The following EMP2 variants were observed in gnomAD, a reference collection of about 807,000 sequenced individuals.
EMP2 encodes epithelial membrane protein 2.
A neutral mutation model predicts 13.7 loss-of-function variants in EMP2; 19 were observed. That is an observed-to-expected ratio of 1.38 (90% CI 0.97 to 2.03). The LOEUF (loss-of-function observed/expected upper bound fraction) is 2.03, where lower values mean the gene tolerates loss of function less well. Among genes scored for constraint, EMP2 ranks in the 30% most tolerant of loss-of-function variants. The pLI is 0.00. For synonymous variants in EMP2, 97 were observed against 84.7 expected (o/e 1.15, Z -0.80); for missense variants, 253 against 220.7 (o/e 1.15, Z -0.93).
In EMP2 at chr16:10,530,425, G is replaced by A. The variant is rs1370670665; in HGVS notation, c.*2480C>T. On this transcript the variant is annotated 3_prime_UTR_variant, in exon 5 of 5. Coordinates refer to ENST00000359543, the MANE Select transcript of EMP2 (RefSeq NM_001424.6). ...TCTTCAGCTCCACTGGAACTGAGCT[G>A]ATGGCAAACCACCACTCCACTCAGC... 2 of 152,616 alleles carry A rather than the reference G, an allele frequency of 1.3e-5. No homozygotes were observed. Among genetic ancestry groups the A allele is most frequent in the Admixed American group, 6.5e-5 (1 of 15,278 alleles). 9.5% of individuals were successfully genotyped at this position (152,616 alleles called of 1,614,324 possible). A position where few individuals can be genotyped will look rare whatever the true frequency, so the allele number is the denominator to read the frequency against.
intron 1 of EMP2, among the ~76,000 whole-genome samples, chr16:10,568,780 C>CTTTTTTTTTTTTTTTTT (rs58406598): frequency 1.2e-5 from 1 of 85,234 alleles, no homozygotes; most frequent in African/African-American, 4.6e-5. Flanking sequence ...CTAGGATTTT[C>CTTTTTTTTTTTTTTTTT]TTTTTTTTTT....
chr16:10,557,231 C>T (rs750158160), intron 1 of EMP2, among the ~76,000 whole-genome samples: 6 of 151,888 alleles, frequency 4.0e-5, no homozygotes, highest in Non-Finnish European at 7.4e-5. Context: ...GTGGCAGATG[C>T]CTATCGTCCC....
At chr16:10,536,318 T>C (rs1357457887) in intron 4 of EMP2, among the ~76,000 whole-genome samples, 3 of 152,172 alleles carry the variant, frequency 2.0e-5, no homozygotes, top group Non-Finnish European at 4.4e-5. Flanking sequence ...TGGAGTACAG[T>C]GGTGCTATGG....
chr16:10,547,687 G>C lies in EMP2; in HGVS notation c.-60-10C>G. 1 of 1,457,720 alleles carries C rather than the reference G, an allele frequency of 6.9e-7. No individual in the cohort carries two copies. The highest frequency in any genetic ancestry group is 1.2e-5 in the South Asian group (1 of 82,574). 90.3% of individuals were successfully genotyped at this position (1,457,720 alleles called of 1,614,324 possible). A position where few individuals can be genotyped will look rare whatever the true frequency, so the allele number is the denominator to read the frequency against. ...CCCAGAGCGGGATGTGCTGAAGAGG[G>C]TAAGAAAGAGAAATTCAAAATCTGT... On this transcript the variant is annotated splice_polypyrimidine_tract_variant and intron_variant, in intron 1 of 4. Transcript: ENST00000359543.
intron 1 of EMP2, among the ~76,000 whole-genome samples, chr16:10,573,954 T>A (rs2050965046): frequency 6.8e-6 from 1 of 147,304 alleles, no homozygotes; most frequent in Admixed American, 6.8e-5. Flanking sequence ...TTTTTTTTTT[T>A]TGAGACAGAG....
chr16:10,566,628 CTCT>C (rs2142205079), intron 1 of EMP2, among the ~76,000 whole-genome samples: 1 of 152,352 alleles, frequency 6.6e-6, no homozygotes, highest in Non-Finnish European at 1.5e-5. Flanking sequence ...ACAGGGATCT[CTCT>C]TCCACTGATT....
At chr16:10,536,832 G>A (rs1199908765) in intron 4 of EMP2, among the ~76,000 whole-genome samples, 1 of 152,138 alleles carries the variant, frequency 6.6e-6, no homozygotes, top group Non-Finnish European at 1.5e-5. Context: ...TGTTGCCCAG[G>A]CTGGTCTTGA....
chr16:10,574,440 C>T (rs887511245), intron 1 of EMP2, among the ~76,000 whole-genome samples: 3 of 152,058 alleles, frequency 2.0e-5, no homozygotes, highest in Non-Finnish European at 2.9e-5. Context: ...GTGGCCCCCC[C>T]TCATCCCTCC....
intron 1 of EMP2, among the ~76,000 whole-genome samples, chr16:10,550,426 T>C (rs1201973241): frequency 6.6e-6 from 1 of 152,216 alleles, no homozygotes; most frequent in African/African-American, 2.4e-5. Flanking sequence ...TTGTTTTTCA[T>C]AACATTGATA....
chr16:10,533,420 T>C (rs2050623562), intron 4 of EMP2, among the ~76,000 whole-genome samples: 1 of 152,224 alleles, frequency 6.6e-6, no homozygotes, highest in African/African-American at 2.4e-5. Flanking sequence ...TATTGTCACC[T>C]ACCCTGTAGC....
chr16:10,542,121 A>C (rs538495984), intron 3 of EMP2, among the ~76,000 whole-genome samples: 1 of 152,218 alleles, frequency 6.6e-6, no homozygotes, highest in East Asian at 1.9e-4. Context: ...ACAACAAATA[A>C]ATTTTAGGAG....
At chr16:10,536,878 C>G (rs2050650906) in intron 4 of EMP2, among the ~76,000 whole-genome samples, 1 of 152,168 alleles carries the variant, frequency 6.6e-6, no homozygotes, top group Non-Finnish European at 1.5e-5. Flanking sequence ...GCATGGGCCT[C>G]CCAAAGTGCT....
At chr16:10,547,777 T>C (rs965740963) in intron 1 of EMP2, 100 bp from the exon 2 acceptor site, 25 of 667,880 alleles carry the variant, frequency 3.7e-5, no homozygotes, top group Non-Finnish European at 3.8e-5. Context: ...GGCTCATGCC[T>C]ATAATCCTGG....
Position 10,542,028 on chromosome 16 carries a change from G to T in EMP2, c.169+1542C>A, listed in dbSNP as rs79040787. Reference sequence around the variant, plus strand: ...TGGGACCCAGGGAGTAGGCTCCTTTGCTCCCTAATAGGATTGTCAGATTTG... The same window carrying T: ...TGGGACCCAGGGAGTAGGCTCCTTTTCTCCCTAATAGGATTGTCAGATTTG... On this transcript the variant is annotated intron_variant, in intron 3 of 4. Coordinates refer to ENST00000359543, the MANE Select transcript of EMP2 (RefSeq NM_001424.6). Among the ~76,000 whole-genome samples the T allele has an allele frequency of 2.8e-3, 427 of 152,214 alleles. 17 individuals are homozygous for T. In the East Asian group the frequency reaches 0.067, roughly 24 times the overall value.
intron 1 of EMP2, among the ~76,000 whole-genome samples, chr16:10,571,904 G>T (rs1385892443): frequency 6.6e-6 from 1 of 152,204 alleles, no homozygotes; most frequent in African/African-American, 2.4e-5. Context: ...TCAAACACCA[G>T]CCTGGTCCAC....
intron 1 of EMP2, among the ~76,000 whole-genome samples, chr16:10,579,505 G>T (rs1253500454): frequency 6.6e-6 from 1 of 151,970 alleles, no homozygotes; most frequent in Non-Finnish European, 1.5e-5. Context: ...TCCTCCCCAA[G>T]AAAAACTCTG....
At chr16:10,533,197 CTTTG>C in intron 4 of EMP2, 105 bp from the exon 5 acceptor site, 7 of 1,091,002 alleles carry the variant, frequency 6.4e-6, no homozygotes, top group African/African-American at 1.6e-5. Flanking sequence ...AGCTTTTATT[CTTTG>C]TTTATTATTA....
At chr16:10,556,851 C>G (rs1036885379) in intron 1 of EMP2, among the ~76,000 whole-genome samples, 1 of 152,228 alleles carries the variant, frequency 6.6e-6, no homozygotes, top group African/African-American at 2.4e-5. Flanking sequence ...TTATACGACT[C>G]TCTTTCCTCT....
intron 1 of EMP2, among the ~76,000 whole-genome samples, chr16:10,561,973 T>C (rs1024241962): frequency 6.6e-6 from 1 of 152,240 alleles, no homozygotes; most frequent in African/African-American, 2.4e-5. Flanking sequence ...GATGGCTTCA[T>C]GGGTGAATTC....
Sources: allele counts gnomAD v4.1 joint callset (sites outside exome capture counted in the v4.1 genomes callset), GRCh38; gene constraint gnomAD v4.1.1; transcripts MANE v1.5; gene names NCBI Gene and HGNC (gene_info 2026-07-23, HGNC 2026-07-21).